The following CRX variants were observed in gnomAD, a reference collection of about 807,000 sequenced individuals.
CRX encodes the protein cone-rod homeobox protein.
A neutral mutation model predicts 13.1 loss-of-function variants in CRX; 5 were observed. The observed-to-expected ratio is 0.38, with a 90% CI of 0.20 to 0.80. CRX has a LOEUF of 0.80. Ranked by LOEUF, CRX falls within the 30% of genes least tolerant of loss-of-function variation. CRX has a pLI of 0.43. For synonymous variants in CRX, 179 were observed against 171.1 expected (o/e 1.05, Z -0.36); for missense variants, 351 against 391.8 (o/e 0.90, Z 0.88).
At chr19:47,822,142 A>G (rs1967919880) in intron 1 of CRX, 132 bp downstream of exon 1, 1 of 152,490 alleles carries the variant, frequency 6.6e-6, no homozygotes, top group African/African-American at 2.4e-5. Flanking sequence ...GTCACACACA[A>G]AACAGAGGTG....
chr19:47,840,240 C>T lies in CRX; in HGVS notation c.*273C>T, dbSNP rs895108403. On this transcript the variant is annotated 3_prime_UTR_variant, in exon 4 of 4. Transcript: ENST00000221996. The stretch of plus-strand genomic sequence containing the variant: ...TGACCGCTGAAGTACACCACGAGCT[C>T]CAGGCTTCAGAAAGTGGTGCTGAGA... 2 of 466,048 alleles carry T rather than the reference C, an allele frequency of 4.3e-6. No homozygotes were observed. Among genetic ancestry groups the T allele is most frequent in the Admixed American group, 3.6e-5 (1 of 27,706 alleles). The allele number at this position is 466,048 out of a possible 1,614,324, so 28.9% of individuals were successfully genotyped here. A position where few individuals can be genotyped will look rare whatever the true frequency, so the allele number is the denominator to read the frequency against.
intron 3 of CRX, among the ~76,000 whole-genome samples, chr19:47,837,965 T>G (rs1237454341): frequency 6.6e-6 from 1 of 152,128 alleles, no homozygotes; most frequent in Non-Finnish European, 1.5e-5. Context: ...CGTGTATGTT[T>G]GTATGCTGTA....
chr19:47,826,834 G>A (rs560306259), intron 1 of CRX, among the ~76,000 whole-genome samples: 8 of 152,236 alleles, frequency 5.3e-5, no homozygotes, highest in East Asian at 1.9e-4. Context: ...GGATTATTCC[G>A]GCTCAGGGTG....
At chr19:47,829,095 T>C (rs1968012950) in intron 1 of CRX, among the ~76,000 whole-genome samples, 2 of 152,048 alleles carry the variant, frequency 1.3e-5, no homozygotes, top group Non-Finnish European at 2.9e-5. Context: ...AATGCCTCAT[T>C]TTGTTTATTA....
At chr19:47,833,028 G>A (rs939530587) in intron 1 of CRX, among the ~76,000 whole-genome samples, 3 of 96,092 alleles carry the variant, frequency 3.1e-5, no homozygotes, top group African/African-American at 4.6e-5. Context: ...ATCCACACTC[G>A]CTTTTTTTTT....
At chr19:47,832,851 C>G (rs1319515011) in intron 1 of CRX, among the ~76,000 whole-genome samples, 1 of 152,014 alleles carries the variant, frequency 6.6e-6, no homozygotes. Flanking sequence ...AGGTGAATTA[C>G]TAGGACAAAA....
intron 2 of CRX, among the ~76,000 whole-genome samples, chr19:47,835,228 T>TTA (rs777123176): frequency 3.7e-4 from 18 of 49,186 alleles, no homozygotes; most frequent in African/African-American, 1.7e-3. Flanking sequence ...ATTATTATTA[T>TTA]TTTTTTTTTT....
At chr19:47,825,913 G>A (rs943860237) in intron 1 of CRX, among the ~76,000 whole-genome samples, 1 of 152,174 alleles carries the variant, frequency 6.6e-6, no homozygotes, top group Admixed American at 6.5e-5. Flanking sequence ...CAGAGACTCC[G>A]TCTCAAAATA....
Position 47,839,239 on chromosome 19 carries a change from T to C in CRX, c.253-81T>C, listed in dbSNP as rs1968158593. 1 of 1,453,550 alleles carries C rather than the reference T, an allele frequency of 6.9e-7. No homozygotes were observed. The highest frequency in any genetic ancestry group is 1.3e-5 in the South Asian group (1 of 77,538). The allele number at this position is 1,453,550 out of a possible 1,614,324, so 90.0% of individuals were successfully genotyped here. A position where few individuals can be genotyped will look rare whatever the true frequency, so the allele number is the denominator to read the frequency against. On this transcript the variant is annotated intron_variant, in intron 3 of 3. Coordinates refer to ENST00000221996, the MANE Select transcript of CRX (RefSeq NM_000554.6). The surrounding 1 kb of genome is among the most constrained non-coding windows in gnomAD (Gnocchi z 4.6). Reference sequence around the variant, plus strand: ...GAACCCAGCACCTCTCACCAATAAGTGTCCTCATCCCCGGGCACCCTGCGG... The same window carrying C: ...GAACCCAGCACCTCTCACCAATAAGCGTCCTCATCCCCGGGCACCCTGCGG...
At chr19:47,831,306 C>CAAAAA (rs5828320) in intron 1 of CRX, among the ~76,000 whole-genome samples, 7 of 78,538 alleles carry the variant, frequency 8.9e-5, no homozygotes, top group African/African-American at 1.4e-4. Flanking sequence ...GACTCTGTCT[C>CAAAAA]AAAAAAAAAA....
At position 47,839,841 on chromosome 19, in the gene CRX, T is replaced by C. The variant is rs767273026; in HGVS notation, c.774T>C (p.Tyr258=). The change falls in exon 4 of 4, where the codon TAT becomes TAC. Residue 258 remains tyrosine (Y), a synonymous_variant. Transcript: ENST00000221996. The surrounding 1 kb of genome is among the most constrained non-coding windows in gnomAD (Gnocchi z 4.6). ...QSPTSLSGQS[Y]GAYSPVDSLE... is the part of the protein sequence containing the mutation. ...CCACCTCCCTATCAGGCCAGAGCTATGGCGCCTACAGCCCCGTGGATAGCT... is the reference window on the plus strand; with the variant it reads ...CCACCTCCCTATCAGGCCAGAGCTACGGCGCCTACAGCCCCGTGGATAGCT... 36 of 1,613,986 alleles carry C rather than the reference T, an allele frequency of 2.2e-5. 1 individual carries two copies. In the South Asian group the frequency reaches 3.6e-4, roughly 16 times the overall value.
At position 47,839,748 on chromosome 19, in the gene CRX, C is replaced by G. The variant is rs752642712; in HGVS notation, c.681C>G (p.Pro227=). 1.2e-6 allele frequency: 2 copies of G among 1,614,084 alleles called. No homozygotes were observed. Among genetic ancestry groups the G allele is most frequent in the Admixed American group, 1.7e-5 (1 of 60,012 alleles). ...ACCCCTACCTTTCTCCCATGGTGCC[C>G]CAGCTAGGGGGCCCGGCTCTTAGCC... The part of the protein sequence containing the change: ...GLDPYLSPMV[P]QLGGPALSPL... The change falls in exon 4 of 4, where the codon CCC becomes CCG. Residue 227 remains proline (P), a synonymous_variant. Transcript: ENST00000221996. This position sits in a 1 kb window ranked among gnomAD's most constrained non-coding sequence, Gnocchi z 4.6.
chr19:47,828,115 T>C (rs1180426464), intron 1 of CRX, among the ~76,000 whole-genome samples: 2 of 151,620 alleles, frequency 1.3e-5, no homozygotes, highest in Non-Finnish European at 2.9e-5. Context: ...GATCAAGCCA[T>C]TGCACTCCAG....
At chr19:47,831,542 A>G (rs1315050306) in intron 1 of CRX, among the ~76,000 whole-genome samples, 1 of 151,922 alleles carries the variant, frequency 6.6e-6, no homozygotes, top group East Asian at 1.9e-4. Context: ...ACTCCTTATG[A>G]AAATCTAAGG....
In CRX at chr19:47,840,030, C is replaced by T; in HGVS notation, c.*63C>T. 6.3e-7 allele frequency: 1 copy of T among 1,590,686 alleles called. No individual in the cohort carries two copies. Among genetic ancestry groups the T allele is most frequent in the Non-Finnish European group, 8.6e-7 (1 of 1,169,580 alleles). ...ACCCTTTCTCTTCTGAATCTGCTTC[C>T]CTGCAGTTTAGATCCCGGGATGGCA... On this transcript the variant is annotated 3_prime_UTR_variant, in exon 4 of 4. Transcript: ENST00000221996.
intron 1 of CRX, among the ~76,000 whole-genome samples, chr19:47,828,928 AC>A (rs1245203376): frequency 2.2e-5 from 3 of 138,324 alleles, no homozygotes; most frequent in Non-Finnish European, 5.0e-5. Flanking sequence ...ACACACACAC[AC>A]ACACACACAC....
At chr19:47,834,385 A>G (rs1286361976) in intron 1 of CRX, 24 bp from the exon 2 acceptor site, 24 of 1,286,782 alleles carry the variant, frequency 1.9e-5, no homozygotes, top group Middle Eastern at 1.8e-4. Context: ...TAAGTGAGTG[A>G]GCATCCCTCC....
chr19:47,826,510 T>C (rs2123730989), intron 1 of CRX, among the ~76,000 whole-genome samples: 1 of 152,056 alleles, frequency 6.6e-6, no homozygotes, highest in African/African-American at 2.4e-5. Context: ...GAGGCTGAGG[T>C]GGGAGGATGG....
At chr19:47,823,050 C>A (rs1410013460) in intron 1 of CRX, among the ~76,000 whole-genome samples, 1 of 152,146 alleles carries the variant, frequency 6.6e-6, no homozygotes, top group Non-Finnish European at 1.5e-5. Context: ...CCCGCCTGAG[C>A]CTCCCAAAGT....
Sources: allele counts gnomAD v4.1 joint callset (sites outside exome capture counted in the v4.1 genomes callset), GRCh38; gene constraint gnomAD v4.1.1; non-coding constraint Gnocchi (gnomAD v3.1); transcripts MANE v1.5; gene names NCBI Gene and HGNC (gene_info 2026-07-23, HGNC 2026-07-21).